The following TACC2 variants were observed in gnomAD, a reference collection of about 807,000 sequenced individuals.
TACC2 encodes the protein transforming acidic coiled-coil-containing protein 2.
A neutral mutation model predicts 227.3 loss-of-function variants in TACC2; 137 were observed. The ratio of observed to expected loss-of-function variants is 0.60; its 90% CI spans 0.52 to 0.69. The LOEUF is 0.69. TACC2 is among the 30% of genes least tolerant of loss of function. The pLI is 0.00. For synonymous variants in TACC2, 1,523 were observed against 1,487.5 expected, an observed-to-expected ratio of 1.02 and a Z score of -0.55; for missense variants, 3,470 against 3,694.4, an observed-to-expected ratio of 0.94 and a Z score of 1.57.
intron 5 of TACC2, among the ~76,000 whole-genome samples, chr10:122,096,380 C>T (rs2081398489): frequency 6.6e-6 from 1 of 152,204 alleles, no homozygotes; most frequent in South Asian, 2.1e-4. Flanking sequence ...CCCACAAACC[C>T]CCCGGTGGCC....
At chr10:122,202,664 CTT>C (rs1313395010) in intron 8 of TACC2, among the ~76,000 whole-genome samples, 6 of 145,084 alleles carry the variant, frequency 4.1e-5, no homozygotes, top group Admixed American at 2.1e-4. Flanking sequence ...TTCTTTCTTT[CTT>C]TTTTTTTTTT....
At chr10:122,224,637 C>A in intron 11 of TACC2, 89 bp from the exon 12 acceptor site, 1 of 1,177,874 alleles carries the variant, frequency 8.5e-7, no homozygotes, top group Non-Finnish European at 1.3e-6. Context: ...AGCTCCCACC[C>A]TGCCTGGCTC....
At chr10:122,009,111 G>A (rs1955613513) in intron 1 of TACC2, among the ~76,000 whole-genome samples, 1 of 152,170 alleles carries the variant, frequency 6.6e-6, no homozygotes, top group African/African-American at 2.4e-5. Context: ...GAGGGCAGGT[G>A]CATGAGAAAA....
At chr10:122,177,847 G>T (rs745892052) in intron 7 of TACC2, among the ~76,000 whole-genome samples, 1 of 152,196 alleles carries the variant, frequency 6.6e-6, no homozygotes, top group African/African-American at 2.4e-5. Flanking sequence ...ACATGCCCCA[G>T]ATTCACTGAG....
At chr10:122,061,285 CAAAAAAA>C (rs58324245) in intron 3 of TACC2, among the ~76,000 whole-genome samples, 1,061 of 87,092 alleles carry the variant, frequency 0.012, 8 homozygotes, top group Non-Finnish European at 0.016. Context: ...CACTCCGTCT[CAAAAAAA>C]AAAAAAAAAA....
Position 122,083,695 on chromosome 10 carries a change from G to T in TACC2, c.1195G>T (p.Gly399Trp), listed in dbSNP as rs141547215. The change falls in exon 4 of 23, where the codon GGG becomes TGG. Residue 399 changes from glycine to tryptophan, a missense_variant. This residue lies in a region of TACC2 where 1,924 missense variants were observed against 1,978.3 expected (regional missense o/e 0.97). Transcript: ENST00000369005. ...TGTGGCAGCAGGCGGCCAGCCCGAA[G>T]GGGGTTTGCCTGTGAGCCCTGAACC... The part of the protein sequence containing the change: ...VCVAAGGQPE[G>W]GLPVSPEPSL... 6.2e-7 allele frequency: 1 copy of T among 1,613,044 alleles called. No homozygotes were observed. The highest frequency in any genetic ancestry group is 1.3e-5 in the African/African-American group (1 of 74,938).
chr10:122,236,814 A>C (rs2095865703), intron 16 of TACC2, among the ~76,000 whole-genome samples: 1 of 152,112 alleles, frequency 6.6e-6, no homozygotes, highest in South Asian at 2.1e-4. Flanking sequence ...CTCCAACATA[A>C]CTCTTACATC....
chr10:122,046,959 T>C (rs1456237735), intron 2 of TACC2, among the ~76,000 whole-genome samples: 1 of 152,060 alleles, frequency 6.6e-6, no homozygotes, highest in African/African-American at 2.4e-5. Context: ...GTTATTATAG[T>C]AAAATGTGAG....
At chr10:122,040,339 G>A (rs143604695) in intron 2 of TACC2, among the ~76,000 whole-genome samples, 2 of 152,276 alleles carry the variant, frequency 1.3e-5, no homozygotes, top group South Asian at 2.1e-4. Context: ...TGGTGGTGAC[G>A]CTGTGATGAG....
intron 7 of TACC2, among the ~76,000 whole-genome samples, chr10:122,186,000 G>A (rs546018533): frequency 1.3e-5 from 2 of 151,320 alleles, no homozygotes; most frequent in South Asian, 2.1e-4. Context: ...GTGTGATCTC[G>A]GCTCACCTCA....
intron 5 of TACC2, among the ~76,000 whole-genome samples, chr10:122,122,183 G>A (rs915108850): frequency 5.9e-5 from 9 of 152,072 alleles, no homozygotes; most frequent in Non-Finnish European, 8.8e-5. Context: ...GTGAAACTCC[G>A]TCTCTACTAA....
intron 2 of TACC2, among the ~76,000 whole-genome samples, chr10:122,033,665 A>G (rs866908643): frequency 3.3e-5 from 5 of 152,298 alleles, no homozygotes; most frequent in Middle Eastern, 6.8e-3. Flanking sequence ...TTTGCCATCC[A>G]CTGGGGAAGA....
At chr10:122,131,025 T>C (rs2138776455) in intron 5 of TACC2, among the ~76,000 whole-genome samples, 1 of 151,978 alleles carries the variant, frequency 6.6e-6, no homozygotes, top group Admixed American at 6.6e-5. Flanking sequence ...TTAAAAAAAA[T>C]GTCTGGGCTG....
intron 3 of TACC2, among the ~76,000 whole-genome samples, chr10:122,072,741 A>G (rs1248820853): frequency 6.6e-6 from 1 of 152,096 alleles, no homozygotes; most frequent in Non-Finnish European, 1.5e-5. Flanking sequence ...AAAAATATGT[A>G]TTTCTTCACT....
At position 122,082,950 on chromosome 10, in the gene TACC2, C is replaced by T. The variant is rs770318243; in HGVS notation, c.450C>T (p.Ile150=). The change falls in exon 4 of 23, where the codon ATC becomes ATT. Residue 150 remains isoleucine, a synonymous_variant. Transcript: ENST00000369005. ...REPAPNAPGD[I]AAAFPAERDS... The stretch of plus-strand genomic sequence containing the variant: ...CTGCCCCAAATGCCCCAGGAGACAT[C>T]GCGGCGGCATTTCCCGCTGAGAGGG... 1.3e-5 allele frequency: 21 copies of T among 1,612,876 alleles called. No homozygotes were observed. Among genetic ancestry groups the T allele is most frequent in the South Asian group, 1.2e-4 (11 of 91,082 alleles).
intron 5 of TACC2, 178 bp downstream of exon 5, chr10:122,088,769 C>T: frequency 6.6e-7 from 1 of 1,526,392 alleles, no homozygotes; most frequent in South Asian, 1.2e-5. Context: ...ACTAAAAGCT[C>T]CATTGTTGGA....
chr10:122,184,614 G>A (rs921446417), intron 7 of TACC2, among the ~76,000 whole-genome samples: 5 of 152,172 alleles, frequency 3.3e-5, no homozygotes, highest in Admixed American at 2.0e-4. Flanking sequence ...CTTGTTGCTG[G>A]TACCCGTGTT....
At chr10:122,043,527 T>TTTC (rs1223666831) in intron 2 of TACC2, among the ~76,000 whole-genome samples, 7 of 72,126 alleles carry the variant, frequency 9.7e-5, no homozygotes, top group Non-Finnish European at 1.9e-4. Flanking sequence ...CTTTCTTTTC[T>TTTC]TTCTTTCTCT....
rs1002631954 is a variant in TACC2, at chr10:122,249,739, A to G, written c.8781+75A>G. Reference sequence around the variant, plus strand: ...GTGCTGCTGGCCAGTCCAGCTAGACAGGCTGGGCTTCCCTGGCCACTGCTG... The same window carrying G: ...GTGCTGCTGGCCAGTCCAGCTAGACGGGCTGGGCTTCCCTGGCCACTGCTG... On this transcript the variant is annotated intron_variant, in intron 22 of 22. Coordinates refer to ENST00000369005, the MANE Select transcript of TACC2 (RefSeq NM_206862.4). 10 of 1,516,108 alleles carry G rather than the reference A, an allele frequency of 6.6e-6. No individual in the cohort carries two copies. The Admixed American group carries it at 9.9e-5, about 15-fold the overall frequency. 93.9% of individuals were successfully genotyped at this position (1,516,108 alleles called of 1,614,324 possible). A position where few individuals can be genotyped will look rare whatever the true frequency, so the allele number is the denominator to read the frequency against.
Sources: allele counts gnomAD v4.1 joint callset (sites outside exome capture counted in the v4.1 genomes callset), GRCh38; gene constraint gnomAD v4.1.1; regional missense constraint gnomAD v4.1.1; transcripts MANE v1.5; gene names NCBI Gene and HGNC (gene_info 2026-07-23, HGNC 2026-07-21).